The following CYLC2 variants were observed in gnomAD, a reference collection of about 807,000 sequenced individuals.
The protein encoded by CYLC2 is cylicin 2.
In CYLC2, 30 loss-of-function variants were observed where a neutral mutation model predicts 26.1. The observed-to-expected ratio is 1.15, with a 90% CI of 0.86 to 1.56. CYLC2 has a LOEUF of 1.56. Among genes scored for constraint, CYLC2 ranks in the 40% most tolerant of loss-of-function variants. The pLI, the probability that CYLC2 is intolerant of heterozygous loss-of-function variation, is 0.00. For synonymous variants in CYLC2, 158 were observed against 132.8 expected (o/e 1.19, Z -1.31); for missense variants, 498 against 394.4 (o/e 1.26, Z -2.23).
chr9:102,995,751 T>C (rs1376701647), intron 1 of CYLC2, among the ~76,000 whole-genome samples: 1 of 151,846 alleles, frequency 6.6e-6, no homozygotes, highest in Non-Finnish European at 1.5e-5. Flanking sequence ...TGTGAATATT[T>C]TTTGTGTATG....
chr9:102,997,282 C>T (rs1284821459), intron 1 of CYLC2, among the ~76,000 whole-genome samples: 1 of 151,846 alleles, frequency 6.6e-6, no homozygotes, highest in Non-Finnish European at 1.5e-5. Context: ...CTGGTCTCTA[C>T]CAACTAGATG....
chr9:103,015,374 TAATA>T (rs1308469790), intron 6 of CYLC2, among the ~76,000 whole-genome samples: 53 of 86,978 alleles, frequency 6.1e-4, no homozygotes, highest in African/African-American at 2.4e-3. Context: ...TTATATAATG[TAATA>T]TATATTAAAT....
intron 4 of CYLC2, 33 bp from the exon 5 acceptor site, chr9:103,004,936 C>G (rs757523244): frequency 6.4e-7 from 1 of 1,574,594 alleles, no homozygotes; most frequent in African/African-American, 1.4e-5. Context: ...TGGATTTTCC[C>G]ATTTTAAGAA....
chr9:102,995,567 T>G (rs1829228874), intron 1 of CYLC2, among the ~76,000 whole-genome samples, 170 bp downstream of exon 1: 1 of 151,964 alleles, frequency 6.6e-6, no homozygotes, highest in Admixed American at 6.6e-5. Flanking sequence ...TTTTTTGATT[T>G]AAGACATAGC....
intron 1 of CYLC2, among the ~76,000 whole-genome samples, chr9:102,999,172 T>C (rs890948102): frequency 1.3e-5 from 2 of 151,850 alleles, no homozygotes; most frequent in Non-Finnish European, 2.9e-5. Context: ...TTTATATGTA[T>C]TTTAATAACT....
chr9:103,013,634 A>G (rs930885218), intron 6 of CYLC2, among the ~76,000 whole-genome samples: 2 of 112,022 alleles, frequency 1.8e-5, no homozygotes, highest in Non-Finnish European at 3.2e-5. Flanking sequence ...TTATATAGAT[A>G]TATATTTATA....
At position 103,005,098 on chromosome 9, in the gene CYLC2, A is replaced by G. The variant is rs1239443423; in HGVS notation, c.467A>G (p.Asp156Gly). 6.2e-7 allele frequency: 1 copy of G among 1,606,866 alleles called. No individual in the cohort carries two copies. Among genetic ancestry groups the G allele is most frequent in the South Asian group, 1.1e-5 (1 of 90,366 alleles). The change falls in exon 5 of 8, where the codon GAT becomes GGT. Residue 156 changes from aspartate to glycine, a missense_variant. Asp to Gly is a moderately conservative substitution (Grantham distance 94, BLOSUM62 -1). Transcript: ENST00000374798. ...GAGAAAGGAAAAGAAGAAAAGCTAG[A>G]TGCAAAGAAAGATAGCAAAAAAGGT... Reference protein sequence around the residue: ...DIEKGKEEKLDAKKDSKKGKK... With the variant: ...DIEKGKEEKLGAKKDSKKGKK...
chr9:102,995,414 G>A lies in CYLC2; in HGVS notation c.17+17G>A. Reference sequence around the variant, plus strand: ...CCCAAGATTGTAAGTCAAATTTTATGTTTTAAAATAACTGAAATACTCGTT... The same window carrying A: ...CCCAAGATTGTAAGTCAAATTTTATATTTTAAAATAACTGAAATACTCGTT... On this transcript the variant is annotated intron_variant, in intron 1 of 7. Transcript: ENST00000374798. 2 of 1,582,986 alleles carry A rather than the reference G, an allele frequency of 1.3e-6. No homozygotes were observed. The highest frequency in any genetic ancestry group is 1.7e-6 in the Non-Finnish European group (2 of 1,152,628).
At chr9:103,010,022 TA>T (rs1281761649) in intron 5 of CYLC2, among the ~76,000 whole-genome samples, 1 of 151,378 alleles carries the variant, frequency 6.6e-6, no homozygotes, top group Non-Finnish European at 1.5e-5. Flanking sequence ...CATGTCAATA[TA>T]ACAAAAATAG....
In CYLC2 at chr9:103,004,753, C is replaced by T; in HGVS notation, c.239C>T (p.Ser80Phe). 1 of 1,610,568 alleles carries T rather than the reference C, an allele frequency of 6.2e-7. No homozygotes were observed. The highest frequency in any genetic ancestry group is 8.5e-7 in the Non-Finnish European group (1 of 1,178,262). ...DRRQPLWMYR[S>F]LMRISERPSV... is the part of the protein sequence containing the mutation. Reference sequence around the variant, plus strand: ...AGACAACCATTATGGATGTACCGTTCTTTAATGAGAATTTCTGAGAGACCA... The same window carrying T: ...AGACAACCATTATGGATGTACCGTTTTTTAATGAGAATTTCTGAGAGACCA... Residue 80 changes from serine (S) to phenylalanine (F), a missense_variant, in exon 4 of 8, where the codon TCT becomes TTT. Coordinates refer to ENST00000374798, the MANE Select transcript of CYLC2 (RefSeq NM_001340.5).
At chr9:103,007,956 C>A (rs370791974) in intron 5 of CYLC2, among the ~76,000 whole-genome samples, 1 of 151,788 alleles carries the variant, frequency 6.6e-6, no homozygotes, top group Non-Finnish European at 1.5e-5. Context: ...GGTGATCACA[C>A]GTTGTTAGCC....
rs558216157 is a variant in CYLC2 at position 102,998,475 on chromosome 9, C to G, written c.17+3078C>G. On this transcript the variant is annotated intron_variant, in intron 1 of 7. Transcript: ENST00000374798. ...TGACCTAGATAATTACTTGACTGTACCAGAGAGGAAAGGAAAGAGATGCTC... is the reference window on the plus strand; with the variant it reads ...TGACCTAGATAATTACTTGACTGTAGCAGAGAGGAAAGGAAAGAGATGCTC... Among the ~76,000 whole-genome samples, 11 of 151,748 alleles carry G rather than the reference C, an allele frequency of 7.2e-5. No individual in the cohort carries two copies. The South Asian group carries it at 8.3e-4, about 11-fold the overall frequency.
intron 6 of CYLC2, among the ~76,000 whole-genome samples, chr9:103,014,320 A>T (rs1340061527): frequency 7.4e-6 from 1 of 135,294 alleles, no homozygotes; most frequent in Non-Finnish European, 1.5e-5. Context: ...CATTGTATAT[A>T]TTACATAATG....
intron 2 of CYLC2, among the ~76,000 whole-genome samples, chr9:103,002,739 A>G (rs778251062): frequency 1.3e-5 from 2 of 152,100 alleles, no homozygotes; most frequent in Non-Finnish European, 2.9e-5. Flanking sequence ...TTTACTGAAT[A>G]TTTATGCTGG....
Position 103,003,194 on chromosome 9 carries a change from T to A in CYLC2, c.111T>A (p.Phe37Leu). ...ATCAGCAACACTTTGCCCTGTTATT[T>A]CCCAAACCACAACGGCCAGGAACCA... Reference protein sequence around the residue: ...SWNQQHFALLFPKPQRPGTKR... With the variant: ...SWNQQHFALLLPKPQRPGTKR... Residue 37 changes from phenylalanine to leucine, a missense_variant, in exon 3 of 8, where the codon TTT (phenylalanine) becomes TTA (leucine). Phe to Leu is a conservative substitution (Grantham distance 22, BLOSUM62 0). Coordinates refer to ENST00000374798, the MANE Select transcript of CYLC2 (RefSeq NM_001340.5). 6.2e-7 allele frequency: 1 copy of A among 1,613,892 alleles called. No individual in the cohort carries two copies.
In CYLC2 at chr9:103,013,538, A is replaced by G. The variant is rs1382678692; in HGVS notation, c.*816+1441A>G. 5.3e-5 allele frequency among the ~76,000 whole-genome samples: 6 copies of G among 113,016 alleles called. No homozygotes were observed. The South Asian group carries it at 1.1e-3, about 21-fold the overall frequency. The allele number at this position is 113,016 out of a possible 152,430, so 74.1% of individuals were successfully genotyped here. A position where few individuals can be genotyped will look rare whatever the true frequency, so the allele number is the denominator to read the frequency against. ...AAATAAATTATATTAAGTATATATT[A>G]AATTATATTAAAATTAATATATGTA... On this transcript the variant is annotated intron_variant, in intron 6 of 7. Transcript: ENST00000374798.
chr9:103,017,777 G>A (rs1407938593), intron 7 of CYLC2, among the ~76,000 whole-genome samples: 1 of 151,906 alleles, frequency 6.6e-6, no homozygotes, highest in Non-Finnish European at 1.5e-5. Flanking sequence ...CAGTGTTCTG[G>A]AAGGCTAAAA....
In CYLC2 at chr9:103,016,881, T is replaced by C. The variant is rs1410513521; in HGVS notation, c.*817-7T>C. ...TACATAAGAGATAAACTTTTTGTTT[T>C]TGAAAGGGAAGGAAAATAGCTGGCA... is the stretch of plus-strand genomic sequence containing the variant. On this transcript the variant is annotated splice_polypyrimidine_tract_variant and splice_region_variant and intron_variant, in intron 6 of 7. Transcript: ENST00000374798. The C allele has an allele frequency of 1.3e-5, 2 of 151,954 alleles. No homozygotes were observed. The highest frequency in any genetic ancestry group is 2.4e-5 in the African/African-American group (1 of 41,422). 9.4% of individuals were successfully genotyped at this position (151,954 alleles called of 1,614,324 possible).
At position 103,001,562 on chromosome 9, in the gene CYLC2, T is replaced by A. The variant is rs1288587206; in HGVS notation, c.18-16T>A. 1 of 1,476,152 alleles carries A rather than the reference T, an allele frequency of 6.8e-7. No individual in the cohort carries two copies. The highest frequency in any genetic ancestry group is 9.4e-7 in the Non-Finnish European group (1 of 1,065,220). The allele number at this position is 1,476,152 out of a possible 1,614,324, so 91.4% of individuals were successfully genotyped here. A position where few individuals can be genotyped will look rare whatever the true frequency, so the allele number is the denominator to read the frequency against. On this transcript the variant is annotated splice_polypyrimidine_tract_variant and intron_variant, in intron 1 of 7. Coordinates refer to ENST00000374798, the MANE Select transcript of CYLC2 (RefSeq NM_001340.5). ...TTATATAAATTAACTAAAACCTTTC[T>A]TTTTTGTTTTAATAGCCAAAGAGTA... is the stretch of plus-strand genomic sequence containing the variant.
Sources: allele counts gnomAD v4.1 joint callset (sites outside exome capture counted in the v4.1 genomes callset), GRCh38; gene constraint gnomAD v4.1.1; transcripts MANE v1.5; gene names NCBI Gene and HGNC (gene_info 2026-07-23, HGNC 2026-07-21).